The following ARID4B variants were observed in gnomAD, a reference collection of about 807,000 sequenced individuals.
ARID4B encodes AT-rich interactive domain-containing protein 4B.
ARID4B carries 26 observed loss-of-function variants against 147.5 expected under a neutral mutation model. The observed-to-expected ratio is 0.18, with a 90% CI of 0.13 to 0.24. The LOEUF is 0.24. ARID4B is among the 10% of genes least tolerant of loss of function. The pLI is 1.00. For missense variants in ARID4B, 1,179 were observed against 1,511.5 expected (o/e 0.78, Z 3.65); for synonymous variants, 512 against 507.9 (o/e 1.01, Z -0.11).
chr1:235,301,208 A>G (rs909987934), intron 2 of ARID4B, among the ~76,000 whole-genome samples: 1 of 151,436 alleles, frequency 6.6e-6, no homozygotes, highest in Admixed American at 6.6e-5. Context: ...TCTACTGTAA[A>G]TTTTATTAAA....
At chr1:235,288,006 A>T (rs1672096874) in intron 2 of ARID4B, among the ~76,000 whole-genome samples, 1 of 152,246 alleles carries the variant, frequency 6.6e-6, no homozygotes, top group Non-Finnish European at 1.5e-5. Context: ...TCCTTGTAAA[A>T]ATAATAAAAC....
chr1:235,285,730 G>A (rs1043580161), intron 2 of ARID4B, among the ~76,000 whole-genome samples: 6 of 152,202 alleles, frequency 3.9e-5, no homozygotes, highest in African/African-American at 1.4e-4. Flanking sequence ...TAACCAATAG[G>A]TGGTTTTAGC....
chr1:235,304,504 A>G (rs1186116997), intron 2 of ARID4B, among the ~76,000 whole-genome samples: 1 of 152,224 alleles, frequency 6.6e-6, no homozygotes, highest in African/African-American at 2.4e-5. Flanking sequence ...GTTAAACAGA[A>G]AAGCTGCCTA....
At chr1:235,232,385 A>G (rs186278857) in intron 9 of ARID4B, among the ~76,000 whole-genome samples, 4 of 152,054 alleles carry the variant, frequency 2.6e-5, no homozygotes, top group African/African-American at 9.6e-5. Context: ...GCGCCATTGC[A>G]CTCCAGCCTG....
intron 2 of ARID4B, among the ~76,000 whole-genome samples, chr1:235,321,279 G>A (rs559944019): frequency 6.6e-6 from 1 of 152,172 alleles, no homozygotes; most frequent in East Asian, 1.9e-4. Context: ...CAAATTTATA[G>A]CACAAAATTT....
intron 2 of ARID4B, among the ~76,000 whole-genome samples, chr1:235,296,556 T>C (rs1337820173): frequency 6.6e-6 from 1 of 151,702 alleles, no homozygotes; most frequent in Non-Finnish European, 1.5e-5. Flanking sequence ...ACTGCAGCCT[T>C]GACCTCCAGG....
intron 2 of ARID4B, among the ~76,000 whole-genome samples, chr1:235,313,741 A>G (rs1674243452): frequency 6.6e-6 from 1 of 152,180 alleles, no homozygotes; most frequent in Admixed American, 6.5e-5. Flanking sequence ...GAGGAGATGT[A>G]TTATATTTAC....
intron 5 of ARID4B, among the ~76,000 whole-genome samples, chr1:235,255,265 A>AGATAGATAGATCTATCTATCTATCTATC (rs1239708915): frequency 9.3e-5 from 6 of 64,582 alleles, no homozygotes; most frequent in African/African-American, 4.2e-4. Flanking sequence ...ATAGATAGAT[A>AGATAGATAGATCTATCTATCTATCTATC]TATATCTCTC....
intron 8 of ARID4B, among the ~76,000 whole-genome samples, chr1:235,238,209 A>C (rs1433628879): frequency 6.6e-6 from 1 of 151,936 alleles, no homozygotes; most frequent in East Asian, 1.9e-4. Flanking sequence ...AGAACAAAAA[A>C]CCTCTACACC....
chr1:235,258,409 C>A (rs1303287130), intron 3 of ARID4B, among the ~76,000 whole-genome samples: 1 of 152,124 alleles, frequency 6.6e-6, no homozygotes, highest in East Asian at 1.9e-4. Context: ...CATGGTGGAG[C>A]TGATATTTAA....
chr1:235,227,601 T>C (rs975985585), intron 11 of ARID4B, among the ~76,000 whole-genome samples: 1 of 152,178 alleles, frequency 6.6e-6, no homozygotes, highest in African/African-American at 2.4e-5. Flanking sequence ...CAGCCTTCAC[T>C]ATCTGCACCA....
intron 13 of ARID4B, 42 bp from the exon 14 acceptor site, chr1:235,221,704 G>A: frequency 9.0e-7 from 1 of 1,108,844 alleles, no homozygotes; most frequent in Non-Finnish European, 1.4e-6. Flanking sequence ...ATTAAAAGGT[G>A]TTAATATAAT....
At chr1:235,298,473 A>G (rs1672900876) in intron 2 of ARID4B, among the ~76,000 whole-genome samples, 2 of 149,304 alleles carry the variant, frequency 1.3e-5, no homozygotes, top group Non-Finnish European at 3.0e-5. Context: ...ATCCATATAT[A>G]TGAATATAAC....
intron 17 of ARID4B, among the ~76,000 whole-genome samples, chr1:235,197,738 T>C (rs1665600596): frequency 1.3e-5 from 2 of 152,206 alleles, no homozygotes; most frequent in African/African-American, 4.8e-5. Context: ...ATGGGTTTTT[T>C]TGTAGAAATA....
chr1:235,283,864 A>G (rs908082244), intron 2 of ARID4B, among the ~76,000 whole-genome samples: 1 of 152,006 alleles, frequency 6.6e-6, no homozygotes, highest in Non-Finnish European at 1.5e-5. Flanking sequence ...CCTCCCGAGT[A>G]GCTGGGATTA....
intron 20 of ARID4B, among the ~76,000 whole-genome samples, chr1:235,178,976 C>A (rs569441987): frequency 6.6e-6 from 1 of 152,048 alleles, no homozygotes; most frequent in Non-Finnish European, 1.5e-5. Context: ...TTTAATATCA[C>A]AATTTAAGTG....
intron 13 of ARID4B, 136 bp downstream of exon 13, chr1:235,223,030 T>G: frequency 1.6e-6 from 1 of 618,570 alleles, no homozygotes; most frequent in Non-Finnish European, 2.8e-6. Flanking sequence ...CTAGCTGTAC[T>G]TTCCACTTTA....
At chr1:235,310,153 G>T (rs1022817083) in intron 2 of ARID4B, among the ~76,000 whole-genome samples, 1 of 150,434 alleles carries the variant, frequency 6.6e-6, no homozygotes, top group African/African-American at 2.5e-5. Flanking sequence ...CCCTCTGTGA[G>T]AAACACCCAA....
At chr1:235,209,556 G>GTTTTTTTTTT (rs547505296) in intron 17 of ARID4B, among the ~76,000 whole-genome samples, 1 of 147,036 alleles carries the variant, frequency 6.8e-6, no homozygotes, top group African/African-American at 2.6e-5. Flanking sequence ...TGATTTTTTT[G>GTTTTTTTTTT]TTTTTTGTTT....
Sources: allele counts gnomAD v4.1 joint callset (sites outside exome capture counted in the v4.1 genomes callset), GRCh38; gene constraint gnomAD v4.1.1; transcripts MANE v1.5; gene names NCBI Gene and HGNC (gene_info 2026-07-23, HGNC 2026-07-21).